The following PDZD2 variants were observed in gnomAD, a reference collection of about 807,000 sequenced individuals.
PDZD2 encodes the protein PDZ domain-containing protein 2.
A neutral mutation model predicts 220.7 loss-of-function variants in PDZD2; 90 were observed. The ratio of observed to expected loss-of-function variants is 0.41; its 90% CI spans 0.34 to 0.49. The LOEUF (loss-of-function observed/expected upper bound fraction) is 0.49, where lower values mean the gene tolerates loss of function less well. PDZD2 is among the 20% of genes least tolerant of loss of function. The pLI, the probability that PDZD2 is intolerant of heterozygous loss-of-function variation, is 0.28. For synonymous variants in PDZD2, 1,375 were observed against 1,450.5 expected (o/e 0.95, Z 1.18); for missense variants, 3,174 against 3,608.5 (o/e 0.88, Z 3.08).
chr5:32,066,008 A>G (rs1740179396), intron 14 of PDZD2, among the ~76,000 whole-genome samples: 1 of 148,550 alleles, frequency 6.7e-6, no homozygotes, highest in Non-Finnish European at 1.5e-5. Context: ...TGGGGGACAA[A>G]AGCAAGACTT....
intron 1 of PDZD2, among the ~76,000 whole-genome samples, chr5:31,775,242 AG>A (rs987933326): frequency 2.6e-5 from 4 of 152,080 alleles, no homozygotes; most frequent in African/African-American, 9.7e-5. Context: ...TCCTCTAGTT[AG>A]AATTTGCCTG....
chr5:31,971,924 T>G (rs1749331827), intron 2 of PDZD2, among the ~76,000 whole-genome samples: 2 of 152,252 alleles, frequency 1.3e-5, no homozygotes. Context: ...ACAGCAGGTA[T>G]GATTCCAGTT....
chr5:31,995,804 T>G (rs1439625250), intron 4 of PDZD2, 86 bp downstream of exon 4: 3 of 1,226,270 alleles, frequency 2.4e-6, no homozygotes, highest in African/African-American at 1.5e-5. Context: ...GCTCTTCCAC[T>G]TGTTCAAAGC....
At chr5:32,095,956 G>A (rs1168724742) in intron 21 of PDZD2, among the ~76,000 whole-genome samples, 1 of 149,988 alleles carries the variant, frequency 6.7e-6, no homozygotes, top group Non-Finnish European at 1.5e-5. Context: ...TGTTAGCCAG[G>A]ATGGGCTCCA....
chr5:31,701,718 G>A (rs774417048), intron 1 of PDZD2, among the ~76,000 whole-genome samples: 3 of 152,196 alleles, frequency 2.0e-5, no homozygotes, highest in East Asian at 3.9e-4. Context: ...ATCTGGGAAC[G>A]CAACTCTGGT....
At chr5:31,741,024 T>C (rs1355358973) in intron 1 of PDZD2, among the ~76,000 whole-genome samples, 1 of 152,224 alleles carries the variant, frequency 6.6e-6, no homozygotes, top group East Asian at 1.9e-4. Flanking sequence ...TCAAACTACA[T>C]CCTGTTCAGA....
chr5:31,705,197 C>T lies in PDZD2; in HGVS notation c.-361+65760C>T, dbSNP rs1332377277. Among the ~76,000 whole-genome samples, 9 of 79,990 alleles carry T rather than the reference C, an allele frequency of 1.1e-4. No individual in the cohort carries two copies. In the East Asian group the frequency reaches 2.4e-3, roughly 21 times the overall value. 52.5% of individuals were successfully genotyped at this position (79,990 alleles called of 152,430 possible). Reference sequence around the variant, plus strand: ...GTATACACACACACACACACACACACACACACACACACATACACACTCACA... The same window carrying T: ...GTATACACACACACACACACACACATACACACACACACATACACACTCACA... On this transcript the variant is annotated intron_variant, in intron 1 of 24. Coordinates refer to ENST00000438447, the MANE Select transcript of PDZD2 (RefSeq NM_178140.4).
chr5:32,010,633 TC>T, intron 6 of PDZD2, 151 bp downstream of exon 6: 1 of 732,464 alleles, frequency 1.4e-6, no homozygotes, highest in Non-Finnish European at 2.5e-6. Context: ...TTTCTCGGAA[TC>T]TCTGAGAAAA....
chr5:31,761,606 AC>A (rs539959851), intron 1 of PDZD2, among the ~76,000 whole-genome samples: 39 of 152,292 alleles, frequency 2.6e-4, no homozygotes, highest in African/African-American at 8.9e-4. Flanking sequence ...CATGCCTATA[AC>A]CCCAGCACTT....
At chr5:31,986,417 C>T (rs990762628) in intron 3 of PDZD2, among the ~76,000 whole-genome samples, 9 of 152,116 alleles carry the variant, frequency 5.9e-5, no homozygotes, top group African/African-American at 2.2e-4. Flanking sequence ...CCTTTTCAAC[C>T]ATAAAATTAT....
chr5:31,975,350 GACTT>G (rs1749654870), intron 2 of PDZD2, among the ~76,000 whole-genome samples: 1 of 152,120 alleles, frequency 6.6e-6, no homozygotes, highest in Admixed American at 6.6e-5. Flanking sequence ...GATCTCGTGA[GACTT>G]ACTCACTCTC....
At chr5:31,989,496 C>T (rs1030158228) in intron 3 of PDZD2, among the ~76,000 whole-genome samples, 5 of 147,010 alleles carry the variant, frequency 3.4e-5, no homozygotes, top group Admixed American at 1.4e-4. Flanking sequence ...GATCTTGGCT[C>T]GCTGCAGCCT....
At chr5:31,685,329 A>G (rs1028446225) in intron 1 of PDZD2, among the ~76,000 whole-genome samples, 1 of 152,220 alleles carries the variant, frequency 6.6e-6, no homozygotes, top group Non-Finnish European at 1.5e-5. Context: ...AAAGCAAGCT[A>G]GACTTTTCTC....
At chr5:31,982,586 G>A (rs1750384101) in intron 2 of PDZD2, among the ~76,000 whole-genome samples, 1 of 152,210 alleles carries the variant, frequency 6.6e-6, no homozygotes, top group African/African-American at 2.4e-5. Context: ...GATTACAGGT[G>A]TGAGCCACTG....
intron 1 of PDZD2, among the ~76,000 whole-genome samples, chr5:31,768,658 A>AT (rs1752168053): frequency 6.9e-6 from 1 of 144,142 alleles, no homozygotes. Flanking sequence ...AAAAAAAAAA[A>AT]CTGAGACACA....
intron 1 of PDZD2, among the ~76,000 whole-genome samples, chr5:31,699,709 T>C (rs1469143899): frequency 6.6e-6 from 1 of 152,094 alleles, no homozygotes; most frequent in East Asian, 1.9e-4. Flanking sequence ...GTTCAAGCAG[T>C]TCTCATGCCT....
chr5:31,821,230 A>C (rs923417622), intron 2 of PDZD2, among the ~76,000 whole-genome samples: 1 of 152,014 alleles, frequency 6.6e-6, no homozygotes, highest in Non-Finnish European at 1.5e-5. Context: ...TAGTGATTAC[A>C]TTTTTAAATT....
intron 6 of PDZD2, among the ~76,000 whole-genome samples, chr5:32,017,254 C>T (rs139752772): frequency 6.1e-4 from 93 of 152,134 alleles, no homozygotes; most frequent in African/African-American, 2.1e-3. Flanking sequence ...CTGGCCAATA[C>T]GGCAAAACTC....
intron 2 of PDZD2, among the ~76,000 whole-genome samples, chr5:31,981,517 GC>G (rs1302392313): frequency 1.3e-5 from 2 of 152,188 alleles, no homozygotes; most frequent in Non-Finnish European, 2.9e-5. Context: ...TGTAATGACT[GC>G]CCCAGCTCTC....
Sources: gnomAD v4.1 joint callset for allele counts (sites outside exome capture counted in the v4.1 genomes callset) on GRCh38, gnomAD v4.1.1 for gene constraint, MANE v1.5 for transcripts, NCBI Gene and HGNC (gene_info 2026-07-23, HGNC 2026-07-21) for gene names.